The following ACYP2 variants were observed in gnomAD, a reference collection of about 807,000 sequenced individuals.
ACYP2 encodes acylphosphatase-2.
In ACYP2, 12 loss-of-function variants were observed where a neutral mutation model predicts 11.2. The ratio of observed to expected loss-of-function variants is 1.08; its 90% CI spans 0.69 to 1.74. The LOEUF is 1.74. Ranked by LOEUF, ACYP2 falls within the 40% of genes most tolerant of loss-of-function variation. The pLI is 0.00. For synonymous variants in ACYP2, 43 were observed against 32.2 expected, an observed-to-expected ratio of 1.33 and a Z score of -1.13; for missense variants, 134 against 101.9, an observed-to-expected ratio of 1.31 and a Z score of -1.35.
At chr2:54,152,384 A>G (rs1682220920) in intron 6 of ACYP2, among the ~76,000 whole-genome samples, 1 of 152,108 alleles carries the variant, frequency 6.6e-6, no homozygotes, top group African/African-American at 2.4e-5. Context: ...TCAGCTTCCC[A>G]AAGTGCTGGG....
chr2:54,028,855 A>G (rs1010103795), intron 2 of ACYP2, among the ~76,000 whole-genome samples: 8 of 152,170 alleles, frequency 5.3e-5, no homozygotes, highest in Non-Finnish European at 8.8e-5. Flanking sequence ...ATAAATTTGC[A>G]CACCATTTCC....
intron 6 of ACYP2, among the ~76,000 whole-genome samples, chr2:54,296,900 G>C (rs1323804651): frequency 6.6e-6 from 1 of 151,812 alleles, no homozygotes; most frequent in Non-Finnish European, 1.5e-5. Flanking sequence ...TTCTTAAATA[G>C]AAATACCTGG....
intron 6 of ACYP2, among the ~76,000 whole-genome samples, chr2:54,219,087 G>T (rs935630594): frequency 6.6e-6 from 1 of 152,150 alleles, no homozygotes; most frequent in African/African-American, 2.4e-5. Context: ...TATGATACAT[G>T]TGAAGATTTC....
At chr2:54,134,147 A>G (rs999122803) in intron 4 of ACYP2, among the ~76,000 whole-genome samples, 8 of 152,144 alleles carry the variant, frequency 5.3e-5, no homozygotes, top group Non-Finnish European at 1.2e-4. Flanking sequence ...TAGGCTTCAG[A>G]GCTAGGGACA....
intron 6 of ACYP2, among the ~76,000 whole-genome samples, chr2:54,298,672 T>C (rs1327856552): frequency 6.6e-6 from 1 of 152,234 alleles, no homozygotes; most frequent in Non-Finnish European, 1.5e-5. Flanking sequence ...ATAAAAGCAC[T>C]GATTCCAAAT....
At chr2:54,072,327 G>A (rs751625534) in intron 4 of ACYP2, among the ~76,000 whole-genome samples, 8 of 151,812 alleles carry the variant, frequency 5.3e-5, no homozygotes, top group Non-Finnish European at 1.2e-4. Flanking sequence ...TTATTTTTGT[G>A]ACAGGGTCTC....
chr2:54,070,358 A>T (rs1188258937), intron 4 of ACYP2, among the ~76,000 whole-genome samples: 2 of 152,192 alleles, frequency 1.3e-5, no homozygotes, highest in Admixed American at 1.3e-4. Context: ...AATGGCTTAT[A>T]ATAAGGATTC....
At chr2:54,099,157 TA>T (rs1284147302) in intron 4 of ACYP2, among the ~76,000 whole-genome samples, 1 of 152,246 alleles carries the variant, frequency 6.6e-6, no homozygotes, top group Non-Finnish European at 1.5e-5. Flanking sequence ...GTTTATTTTT[TA>T]ATTGGCAAAT....
At chr2:54,296,598 C>G (rs1689533642) in intron 6 of ACYP2, among the ~76,000 whole-genome samples, 1 of 152,154 alleles carries the variant, frequency 6.6e-6, no homozygotes, top group African/African-American at 2.4e-5. Context: ...TGTTTATGAT[C>G]CTCATCAAAC....
intron 4 of ACYP2, among the ~76,000 whole-genome samples, chr2:54,076,375 C>G (rs989500497): frequency 1.3e-5 from 2 of 152,124 alleles, no homozygotes; most frequent in African/African-American, 4.8e-5. Flanking sequence ...AGTCTGATTT[C>G]CTTATTTTGT....
At position 54,061,037 on chromosome 2, in the gene ACYP2, T is replaced by C. The variant is rs572362282; in HGVS notation, c.277+3677T>C. On this transcript the variant is annotated intron_variant, in intron 4 of 6. Transcript: ENST00000607452. ...TTTTAATTAATTAATTATTTTTTCA[T>C]AGAGGCATGGTCTCCCTATATTACC... 4.4e-4 allele frequency among the ~76,000 whole-genome samples: 67 copies of C among 152,278 alleles called. No homozygotes were observed. The South Asian group carries it at 0.01, about 24-fold the overall frequency.
chr2:54,135,884 C>T (rs769558250), intron 5 of ACYP2, among the ~76,000 whole-genome samples: 15 of 152,122 alleles, frequency 9.9e-5, no homozygotes, highest in Non-Finnish European at 2.2e-4. Flanking sequence ...TTAAGCGCCA[C>T]GTCGTGTTTT....
Position 54,260,121 on chromosome 2 carries a change from G to A in ACYP2, c.405-44567G>A, listed in dbSNP as rs376946541. The stretch of plus-strand genomic sequence containing the variant: ...GGAGAAGGAGATGTCAGCTTTAGGA[G>A]CATGGCAAGTTCACTAGTGGTAACT... On this transcript the variant is annotated intron_variant, in intron 6 of 6. Coordinates refer to ENST00000607452, the MANE Select transcript of ACYP2 (RefSeq NM_001320586.2). 3.9e-5 allele frequency among the ~76,000 whole-genome samples: 6 copies of A among 152,166 alleles called. No individual in the cohort carries two copies. In the East Asian group the frequency reaches 5.8e-4, roughly 15 times the overall value.
At chr2:54,200,741 A>C (rs531296518) in intron 6 of ACYP2, among the ~76,000 whole-genome samples, 1 of 152,144 alleles carries the variant, frequency 6.6e-6, no homozygotes, top group Non-Finnish European at 1.5e-5. Context: ...TTGTGTGTAC[A>C]TATGTTATTT....
chr2:54,075,291 G>A (rs2103655216), intron 4 of ACYP2, among the ~76,000 whole-genome samples: 1 of 152,238 alleles, frequency 6.6e-6, no homozygotes, highest in Non-Finnish European at 1.5e-5. Context: ...TTCAGCTCAG[G>A]AGTTCGAGAC....
rs527656550 is a variant in ACYP2, at chr2:54,097,965, C to CTT, written c.278-37474_278-37473dup. 1.4e-3 allele frequency among the ~76,000 whole-genome samples: 166 copies of CTT among 117,196 alleles called. 1 individual carries two copies. The highest frequency in any genetic ancestry group is 4.4e-3 in the African/African-American group (139 of 31,412). 76.9% of individuals were successfully genotyped at this position (117,196 alleles called of 152,430 possible). On this transcript the variant is annotated intron_variant, in intron 4 of 6. Transcript: ENST00000607452. ...CCTTGTTTCTTTCTCTCCTTCCTTCCTTTTTTTTTTTTTTTGAGGTGGAGT... is the reference window on the plus strand; with the variant it reads ...CCTTGTTTCTTTCTCTCCTTCCTTCCTTTTTTTTTTTTTTTTTGAGGTGGAGT...
At chr2:54,207,670 A>G (rs1322065836) in intron 6 of ACYP2, among the ~76,000 whole-genome samples, 2 of 152,194 alleles carry the variant, frequency 1.3e-5, no homozygotes, top group African/African-American at 4.8e-5. Flanking sequence ...CTTGGATTCA[A>G]TATTTAGTGC....
At chr2:54,126,954 CA>C (rs144107260) in intron 4 of ACYP2, among the ~76,000 whole-genome samples, 9,108 of 123,324 alleles carry the variant, frequency 0.074, 858 homozygotes, top group African/African-American at 0.25. Flanking sequence ...AACTCCGTCT[CA>C]AAAAAAAAAA....
chr2:54,106,890 T>G (rs919158636), intron 4 of ACYP2, among the ~76,000 whole-genome samples: 1 of 152,192 alleles, frequency 6.6e-6, no homozygotes, highest in Admixed American at 6.5e-5. Context: ...GGCCAAATTT[T>G]GCTTTTCTTA....
Sources: allele counts gnomAD v4.1 joint callset (sites outside exome capture counted in the v4.1 genomes callset), GRCh38; gene constraint gnomAD v4.1.1; transcripts MANE v1.5; gene names NCBI Gene and HGNC (gene_info 2026-07-23, HGNC 2026-07-21).